SASH1: variants seen among roughly 807,000 people sequenced by gnomAD.
The protein encoded by SASH1 is SAM and SH3 domain containing 1.
Under a neutral mutation model 125.2 loss-of-function variants are expected in SASH1, and 44 were observed. The observed-to-expected ratio is 0.35, with a 90% CI of 0.28 to 0.45. The LOEUF (loss-of-function observed/expected upper bound fraction) is 0.45, where lower values mean the gene tolerates loss of function less well. Among genes scored for constraint, SASH1 ranks in the 20% least tolerant of loss-of-function variants. SASH1 has a pLI of 1.00. For synonymous variants in SASH1, 639 were observed against 649.1 expected, an observed-to-expected ratio of 0.98 and a Z score of 0.24; for missense variants, 1,426 against 1,614.5, an observed-to-expected ratio of 0.88 and a Z score of 2.00.
chr6:148,545,534 G>T (rs1332302578), intron 18 of SASH1, among the ~76,000 whole-genome samples: 1 of 152,216 alleles, frequency 6.6e-6, no homozygotes, highest in Non-Finnish European at 1.5e-5. Flanking sequence ...TATCTGTAAA[G>T]CAGAAGTTAG....
At chr6:148,525,885 G>A (rs2115377851) in intron 11 of SASH1, among the ~76,000 whole-genome samples, 1 of 152,010 alleles carries the variant, frequency 6.6e-6, no homozygotes, top group Non-Finnish European at 1.5e-5. Flanking sequence ...GTCTCTGTGG[G>A]ACCAAAGCAG....
chr6:148,210,764 A>G, the SASH1 span, among the ~76,000 whole-genome samples: 1 of 152,082 alleles, frequency 6.6e-6, no homozygotes, highest in Non-Finnish European at 1.5e-5. Flanking sequence ...ATCTGCTTGA[A>G]CCCAAGGGAA....
chr6:148,514,520 C>T (rs1194479673), intron 9 of SASH1, 64 bp downstream of exon 9: 1 of 1,346,948 alleles, frequency 7.4e-7, no homozygotes, highest in Non-Finnish European at 9.5e-7. Flanking sequence ...CAAAAGAAAT[C>T]ATTTGGGGTC....
chr6:148,446,119 T>TTCTTTTTTTTC (rs1298628905), intron 4 of SASH1, among the ~76,000 whole-genome samples: 1 of 40,034 alleles, frequency 2.5e-5, no homozygotes, highest in Non-Finnish European at 4.7e-5. Context: ...TTTTTTTTTT[T>TTCTTTTTTTTC]TTTTTTTGAG....
At chr6:148,199,387 A>C in the SASH1 span, among the ~76,000 whole-genome samples, 91 of 151,700 alleles carry the variant, frequency 6.0e-4, no homozygotes, top group African/African-American at 2.2e-3. Context: ...AAAAAAAAAA[A>C]AAAACTGAGC....
intron 1 of SASH1, among the ~76,000 whole-genome samples, chr6:148,374,186 T>A (rs1275447896): frequency 6.6e-6 from 1 of 152,236 alleles, no homozygotes; most frequent in African/African-American, 2.4e-5. Flanking sequence ...TACCCCTTTT[T>A]ATAGGGCAAT....
At chr6:148,279,371 A>C (rs917662179) in intron 1 of SASH1, among the ~76,000 whole-genome samples, 2 of 152,196 alleles carry the variant, frequency 1.3e-5, no homozygotes, top group Non-Finnish European at 2.9e-5. Context: ...ATGAGATTTA[A>C]TGAATGTAAA....
the SASH1 span, among the ~76,000 whole-genome samples, chr6:148,245,468 C>G: frequency 6.6e-6 from 1 of 152,188 alleles, no homozygotes; most frequent in Non-Finnish European, 1.5e-5. Context: ...CAAGTGATTA[C>G]TGATTTGGAA....
chr6:148,331,829 C>T (rs1367315111), intron 1 of SASH1, among the ~76,000 whole-genome samples: 1 of 152,046 alleles, frequency 6.6e-6, no homozygotes, highest in Non-Finnish European at 1.5e-5. Context: ...GTAGCTAGGA[C>T]TACAGGGACA....
upstream of SASH1, among the ~76,000 whole-genome samples, chr6:148,341,330 G>GTTTTTTT (rs75328242): frequency 1.8e-5 from 2 of 113,252 alleles, no homozygotes; most frequent in Non-Finnish European, 3.7e-5. Context: ...TTTTTTTTTT[G>GTTTTTTT]TTTTTTTTTT....
chr6:148,471,355 A>C, intron 5 of SASH1, 62 bp from the exon 6 acceptor site: 2 of 1,017,576 alleles, frequency 2.0e-6, no homozygotes, highest in South Asian at 3.2e-5. Context: ...TTTTGTTATT[A>C]ATGATGAATT....
chr6:148,431,504 G>T (rs1776059459), intron 2 of SASH1, among the ~76,000 whole-genome samples: 1 of 152,146 alleles, frequency 6.6e-6, no homozygotes, highest in East Asian at 1.9e-4. Context: ...GGCTGACAAT[G>T]TTGAATTTTA....
Position 148,519,648 on chromosome 6 carries a change from G to T in SASH1, c.964G>T (p.Glu322Ter). The T allele has an allele frequency of 6.2e-7, 1 of 1,614,142 alleles. No homozygotes were observed. The highest frequency in any genetic ancestry group is 2.2e-5 in the East Asian group (1 of 44,864). ...GCCCCTTTTCTTTGATGGCTCTCCT[G>T]AGAAACCTCCCGAAGATGACTCAGA... ...KKPLFFDGSP[E>*]KPPEDDSDSL... The change falls in exon 10 of 20, where the codon GAG becomes TAG. Residue 322 changes from glutamate to a stop codon, truncating the protein, a stop_gained. Coordinates refer to ENST00000367467, the MANE Select transcript of SASH1 (RefSeq NM_015278.5). LOFTEE classifies it high-confidence loss of function. This position sits in a 1 kb window ranked among gnomAD's most constrained non-coding sequence, Gnocchi z 4.8.
At position 148,548,333 on chromosome 6, in the gene SASH1, C is replaced by T. The variant is rs111485793; in HGVS notation, c.3519C>T (p.Pro1173=). 333 of 1,613,646 alleles carry T rather than the reference C, an allele frequency of 2.1e-4. 1 individual carries two copies. In the African/African-American group the frequency reaches 3.2e-3, roughly 16 times the overall value. The part of the protein sequence containing the change: ...SGGLTEICRK[P]VSPGCISSVS... ...GACTCACGGAAATCTGCCGAAAGCC[C>T]GTCTCTCCTGGGTGCATTTCGTCTG... Residue 1173 remains proline, a synonymous_variant, in exon 20 of 20, where the codon CCC becomes CCT. Coordinates refer to ENST00000367467, the MANE Select transcript of SASH1 (RefSeq NM_015278.5).
chr6:148,196,172 C>T, the SASH1 span, among the ~76,000 whole-genome samples: 5 of 152,230 alleles, frequency 3.3e-5, no homozygotes, highest in African/African-American at 1.2e-4. Flanking sequence ...AATGTCTTCA[C>T]TCTTGCAGAA....
intron 1 of SASH1, among the ~76,000 whole-genome samples, chr6:148,312,509 T>C (rs1291553613): frequency 6.6e-6 from 1 of 152,118 alleles, no homozygotes; most frequent in Non-Finnish European, 1.5e-5. Flanking sequence ...ATCCTGCTAT[T>C]AATAACAACA....
chr6:148,369,374 A>C (rs1782618964), intron 1 of SASH1, among the ~76,000 whole-genome samples: 1 of 152,222 alleles, frequency 6.6e-6, no homozygotes, highest in Non-Finnish European at 1.5e-5. Context: ...ATTATGATGC[A>C]GGAAAGTTTT....
At chr6:148,296,595 T>C (rs1390312783) in intron 1 of SASH1, among the ~76,000 whole-genome samples, 2 of 152,232 alleles carry the variant, frequency 1.3e-5, no homozygotes, top group Admixed American at 6.5e-5. Flanking sequence ...TAAGGCTCAA[T>C]AGGATAGAGT....
chr6:148,211,257 C>T, the SASH1 span, among the ~76,000 whole-genome samples: 3 of 152,118 alleles, frequency 2.0e-5, no homozygotes, highest in Admixed American at 2.0e-4. Flanking sequence ...CCTGGGTTGG[C>T]AAAGAAAAGC....
Sources: allele counts gnomAD v4.1 joint callset (sites outside exome capture counted in the v4.1 genomes callset), GRCh38; gene constraint gnomAD v4.1.1; non-coding constraint Gnocchi (gnomAD v3.1); transcripts MANE v1.5; gene names NCBI Gene and HGNC (gene_info 2026-07-23, HGNC 2026-07-21).